Variants in ZNF248 observed in about 807,000 individuals in gnomAD.
The protein encoded by ZNF248 is KRAB protein domain.
Under a neutral mutation model 44.3 loss-of-function variants are expected in ZNF248, and 20 were observed. That is an observed-to-expected ratio of 0.45 (90% CI 0.32 to 0.66). The LOEUF (loss-of-function observed/expected upper bound fraction) is 0.66. Among genes scored for constraint, ZNF248 ranks in the 30% least tolerant of loss-of-function variants. The pLI, the probability that ZNF248 is intolerant of heterozygous loss-of-function variation, is 0.04. For missense variants in ZNF248, 654 were observed against 677.0 expected (o/e 0.97, Z 0.38); for synonymous variants, 224 against 229.0 (o/e 0.98, Z 0.20).
intron 3 of ZNF248, among the ~76,000 whole-genome samples, chr10:37,839,636 A>C (rs888184524): frequency 6.6e-6 from 1 of 152,170 alleles, no homozygotes; most frequent in Non-Finnish European, 1.5e-5. Context: ...ACATAATCTG[A>C]AACATTTATG....
intron 6 of ZNF248, among the ~76,000 whole-genome samples, chr10:37,814,895 G>A (rs1447718056): frequency 1.3e-5 from 2 of 152,076 alleles, no homozygotes; most frequent in Non-Finnish European, 2.9e-5. Flanking sequence ...CTTACTTGAA[G>A]TTTATTGTGT....
chr10:37,853,103 C>T (rs142652762), intron 3 of ZNF248, among the ~76,000 whole-genome samples: 1 of 151,494 alleles, frequency 6.6e-6, no homozygotes, highest in African/African-American at 2.4e-5. Context: ...CTTGGCCTCC[C>T]AAAGTGCTGG....
At chr10:37,824,948 A>G (rs1328926887), downstream of ZNF248, among the ~76,000 whole-genome samples, 3 of 150,846 alleles carry the variant, frequency 2.0e-5, no homozygotes, top group South Asian at 4.2e-4. Flanking sequence ...TTGGCCTCCC[A>G]AAGTGCTGGG....
chr10:37,856,581 A>G (rs1322319), intron 1 of ZNF248, 49 bp from the exon 2 acceptor site: 158,734 of 1,142,014 alleles, frequency 0.14, 11,443 homozygotes, highest in Admixed American at 0.19. Flanking sequence ...TTAACAAGTT[A>G]ACAGTAATCT....
intron 3 of ZNF248, among the ~76,000 whole-genome samples, chr10:37,843,557 C>A (rs766211994): frequency 1.3e-5 from 2 of 151,868 alleles, no homozygotes; most frequent in African/African-American, 4.8e-5. Flanking sequence ...TTCAAAGACA[C>A]AAGAATACAG....
chr10:37,768,304 C>A, the ZNF248 span, among the ~76,000 whole-genome samples: 5 of 152,184 alleles, frequency 3.3e-5, no homozygotes, highest in Non-Finnish European at 7.3e-5. Flanking sequence ...AATCTCCACC[C>A]CAAATCTACA....
At position 37,856,885 on chromosome 10, in the gene ZNF248, T is replaced by G. The variant is rs2061388434; in HGVS notation, c.-126+300A>C. 1.4e-5 allele frequency: 3 copies of G among 212,570 alleles called. No individual in the cohort carries two copies. In the South Asian group the frequency reaches 5.1e-4, roughly 36 times the overall value. The allele number at this position is 212,570 out of a possible 1,614,324, so 13.2% of individuals were successfully genotyped here. A position where few individuals can be genotyped will look rare whatever the true frequency, so the allele number is the denominator to read the frequency against. The stretch of plus-strand genomic sequence containing the variant: ...TGACTTCTAATCTCAGTTCTGCCTC[T>G]AAGGAATGACAAGATCTGAACTACT... On this transcript the variant is annotated intron_variant, in intron 1 of 5. Transcript: ENST00000395867.
rs147852072 is a variant in ZNF248 at position 37,823,226 on chromosome 10, C to T, written c.330+9799G>A. On this transcript the variant is annotated intron_variant, in intron 6 of 6. Coordinates refer to the ZNF248 transcript ENST00000615949. The stretch of plus-strand genomic sequence containing the variant: ...GCACGTGCCTGTAGTCCCAGCTGCT[C>T]GGGAGGCTGAGGCAGAAGAATTGCT... 9.0e-3 allele frequency among the ~76,000 whole-genome samples: 1,308 copies of T among 145,412 alleles called. 13 individuals are homozygous for T. The highest frequency in any genetic ancestry group is 0.06 in the Middle Eastern group (16 of 268).
chr10:37,812,745 G>A (rs2051728710), intron 6 of ZNF248, among the ~76,000 whole-genome samples: 1 of 151,828 alleles, frequency 6.6e-6, no homozygotes. Flanking sequence ...AGATGAGGAG[G>A]GCATAAGGAA....
At chr10:37,854,432 C>G (rs1024302745) in intron 3 of ZNF248, among the ~76,000 whole-genome samples, 1 of 152,144 alleles carries the variant, frequency 6.6e-6, no homozygotes, top group African/African-American at 2.4e-5. Flanking sequence ...CAGTTAAGTT[C>G]ATAGAAAAAT....
chr10:37,851,987 T>C (rs2060338939), intron 3 of ZNF248, among the ~76,000 whole-genome samples: 1 of 151,810 alleles, frequency 6.6e-6, no homozygotes, highest in South Asian at 2.1e-4. Flanking sequence ...GTGGCTCACG[T>C]CTGTATTCCC....
intron 5 of ZNF248, among the ~76,000 whole-genome samples, chr10:37,835,570 C>T (rs2056986732): frequency 6.6e-6 from 1 of 152,140 alleles, no homozygotes; most frequent in Admixed American, 6.5e-5. Flanking sequence ...GGCCCTTGAG[C>T]TAAGTATGTT....
rs2055078920 is a variant in ZNF248 at position 37,829,611 on chromosome 10, G to C, written c.*2004C>G. ...AAAGTCCCAGTAGAGAACAGGTATAGAGAGCAGAGTAGCTCGGCAACGTCA... is the reference window on the plus strand; with the variant it reads ...AAAGTCCCAGTAGAGAACAGGTATACAGAGCAGAGTAGCTCGGCAACGTCA... On this transcript the variant is annotated 3_prime_UTR_variant, in exon 6 of 6. Transcript: ENST00000395867. 1.0e-6 allele frequency: 1 copy of C among 985,314 alleles called. No individual in the cohort carries two copies. Among genetic ancestry groups the C allele is most frequent in the African/African-American group, 1.7e-5 (1 of 57,244 alleles). 61.0% of individuals were successfully genotyped at this position (985,314 alleles called of 1,614,324 possible). A position where few individuals can be genotyped will look rare whatever the true frequency, so the allele number is the denominator to read the frequency against.
chr10:37,778,818 A>G (rs1161554969), intron 6 of ZNF248, among the ~76,000 whole-genome samples: 1 of 152,226 alleles, frequency 6.6e-6, no homozygotes, highest in African/African-American at 2.4e-5. Flanking sequence ...GCAATAAAAA[A>G]TGATAAAGGG....
At chr10:37,835,956 A>G (rs1038640249) in intron 5 of ZNF248, among the ~76,000 whole-genome samples, 2 of 152,182 alleles carry the variant, frequency 1.3e-5, no homozygotes, top group African/African-American at 2.4e-5. Flanking sequence ...CTGGTGTTCA[A>G]AATTAAATCT....
downstream of ZNF248, among the ~76,000 whole-genome samples, chr10:37,826,564 A>G (rs1251161045): frequency 1.2e-4 from 18 of 152,188 alleles, no homozygotes; most frequent in Admixed American, 1.2e-3. Flanking sequence ...TAACTTTTCT[A>G]TAGGAACTTT....
At chr10:37,767,294 A>G in the ZNF248 span, among the ~76,000 whole-genome samples, 1 of 152,288 alleles carries the variant, frequency 6.6e-6, no homozygotes, top group East Asian at 1.9e-4. Flanking sequence ...ATACTCCTCG[A>G]GAAGAGCAAG....
At chr10:37,853,134 C>T (rs527951015) in intron 3 of ZNF248, among the ~76,000 whole-genome samples, 68 of 152,032 alleles carry the variant, frequency 4.5e-4, no homozygotes, top group African/African-American at 1.6e-3. Flanking sequence ...CGTGAGCCAC[C>T]GTGCCAGGCC....
In ZNF248 at chr10:37,830,476, A is replaced by C; in HGVS notation, c.*1139T>G. The C allele has an allele frequency of 2.0e-6, 2 of 985,458 alleles. No homozygotes were observed. Among genetic ancestry groups the C allele is most frequent in the Non-Finnish European group, 1.2e-6 (1 of 829,928 alleles). The allele number at this position is 985,458 out of a possible 1,614,324, so 61.0% of individuals were successfully genotyped here. On this transcript the variant is annotated 3_prime_UTR_variant, in exon 6 of 6. Coordinates refer to ENST00000395867, the MANE Select transcript of ZNF248 (RefSeq NM_021045.3). ...GAGTAGGACAGATTCAGAGGTAGTT[A>C]AAAACCTCACGGAAATATTTTTGGC...
Sources: allele counts gnomAD v4.1 joint callset (sites outside exome capture counted in the v4.1 genomes callset), GRCh38; gene constraint gnomAD v4.1.1; transcripts MANE v1.5; gene names NCBI Gene and HGNC (gene_info 2026-07-23, HGNC 2026-07-21).